Variants in RBMS3 observed in about 807,000 individuals in gnomAD.
RBMS3 encodes the protein RNA-binding motif, single-stranded-interacting protein 3.
In RBMS3, 27 loss-of-function variants were observed where a neutral mutation model predicts 66.8. That is an observed-to-expected ratio of 0.40 (90% confidence interval 0.30 to 0.56). The LOEUF (loss-of-function observed/expected upper bound fraction) is 0.56, where lower values mean the gene tolerates loss of function less well. Among genes scored for constraint, RBMS3 ranks in the 20% least tolerant of loss-of-function variants. RBMS3 has a pLI of 0.40. For synonymous variants in RBMS3, 188 were observed against 183.0 expected, an observed-to-expected ratio of 1.03 and a Z score of -0.22; for missense variants, 513 against 549.5, an observed-to-expected ratio of 0.93 and a Z score of 0.66.
At chr3:29,360,801 A>G (rs1056809892) in intron 1 of RBMS3, among the ~76,000 whole-genome samples, 4 of 152,022 alleles carry the variant, frequency 2.6e-5, no homozygotes, top group African/African-American at 9.7e-5. Context: ...CCATTATGTA[A>G]TGGCCTTCTT....
intron 12 of RBMS3, among the ~76,000 whole-genome samples, chr3:29,987,192 G>C (rs1698446898): frequency 6.6e-6 from 1 of 152,130 alleles, no homozygotes. Flanking sequence ...GAGAAAACTT[G>C]TCTTTATTTG....
chr3:29,893,055 G>A (rs1485868641), intron 8 of RBMS3, among the ~76,000 whole-genome samples: 1 of 151,102 alleles, frequency 6.6e-6, no homozygotes, highest in African/African-American at 2.4e-5. Context: ...TTTAAGCAGG[G>A]GTTTCCTGTA....
Position 29,323,274 on chromosome 3 carries a change from C to T in RBMS3, c.75+41518C>T, listed in dbSNP as rs996087179. The stretch of plus-strand genomic sequence containing the variant: ...TTTTTGAAGTAACATCAGGTATGTA[C>T]TTTAGCTTATTTTTTCACACAAAGT... On this transcript the variant is annotated intron_variant, in intron 1 of 14. Coordinates refer to ENST00000383767, the MANE Select transcript of RBMS3 (RefSeq NM_001003793.3). 1.4e-4 allele frequency among the ~76,000 whole-genome samples: 16 copies of T among 116,570 alleles called. 1 individual carries two copies. The highest frequency in any genetic ancestry group is 8.8e-5 in the Non-Finnish European group (5 of 56,644). 76.5% of individuals were successfully genotyped at this position (116,570 alleles called of 152,430 possible).
chr3:29,442,820 A>T (rs1258281055), intron 2 of RBMS3, among the ~76,000 whole-genome samples: 1 of 152,018 alleles, frequency 6.6e-6, no homozygotes, highest in African/African-American at 2.4e-5. Context: ...TCTCCTATGG[A>T]TGGTAAATTC....
chr3:29,726,791 A>G (rs56115729), intron 4 of RBMS3, among the ~76,000 whole-genome samples: 9,117 of 152,272 alleles, frequency 0.06, 889 homozygotes, highest in African/African-American at 0.21. Context: ...CATACTGCCC[A>G]AAGTAATTTA....
rs1321229415 is a variant in RBMS3, at chr3:30,010,317, C to G, written c.*6455C>G. The G allele has an allele frequency of 6.6e-6, 1 of 152,126 alleles. No homozygotes were observed. The highest frequency in any genetic ancestry group is 1.5e-5 in the Non-Finnish European group (1 of 68,020). The allele number at this position is 152,126 out of a possible 1,614,324, so 9.4% of individuals were successfully genotyped here. On this transcript the variant is annotated 3_prime_UTR_variant, in exon 15 of 15. Transcript: ENST00000383767. ...CCCATCCCTTGGGCTTTCTGTAGAT[C>G]AGTGGATGTTAGGTTTAAACTTCTG...
chr3:29,821,634 A>G (rs543138546), intron 6 of RBMS3, among the ~76,000 whole-genome samples: 43 of 152,314 alleles, frequency 2.8e-4, no homozygotes, highest in African/African-American at 1.0e-3. Flanking sequence ...TTATGAAGCC[A>G]GAATATTGGA....
intron 1 of RBMS3, among the ~76,000 whole-genome samples, chr3:29,398,204 G>A (rs1451054605): frequency 6.6e-6 from 1 of 152,168 alleles, no homozygotes; most frequent in African/African-American, 2.4e-5. Flanking sequence ...CACTTGAGAG[G>A]TGTGAAATAC....
intron 3 of RBMS3, among the ~76,000 whole-genome samples, chr3:29,568,358 A>T (rs1170364018): frequency 1.3e-5 from 2 of 152,214 alleles, no homozygotes; most frequent in Non-Finnish European, 2.9e-5. Flanking sequence ...CAGGAGAAGA[A>T]TTGCTGTCTT....
intron 4 of RBMS3, among the ~76,000 whole-genome samples, chr3:29,694,016 A>G (rs894066878): frequency 6.6e-6 from 1 of 152,212 alleles, no homozygotes; most frequent in Admixed American, 6.5e-5. Flanking sequence ...GGTTTCTTCA[A>G]AATACCACAA....
At chr3:29,351,156 G>A (rs779222785) in intron 1 of RBMS3, among the ~76,000 whole-genome samples, 1 of 152,004 alleles carries the variant, frequency 6.6e-6, no homozygotes, top group Non-Finnish European at 1.5e-5. Context: ...TGTATTTGCT[G>A]TAGTTAATTA....
intron 4 of RBMS3, among the ~76,000 whole-genome samples, chr3:29,681,904 C>T (rs1032743121): frequency 6.6e-6 from 1 of 152,062 alleles, no homozygotes; most frequent in Non-Finnish European, 1.5e-5. Context: ...GTACTTCTGC[C>T]TCTAGGTCTT....
chr3:29,804,441 C>G (rs531607663), intron 6 of RBMS3, among the ~76,000 whole-genome samples: 2 of 151,976 alleles, frequency 1.3e-5, no homozygotes, highest in South Asian at 4.2e-4. Flanking sequence ...CTCAGAGGTA[C>G]CTTGAGCTTG....
intron 4 of RBMS3, among the ~76,000 whole-genome samples, chr3:29,614,132 C>G (rs2048579802): frequency 1.3e-5 from 2 of 152,040 alleles, no homozygotes; most frequent in South Asian, 4.1e-4. Flanking sequence ...CAGTGGAATA[C>G]TATTCAGCCT....
At chr3:29,324,157 C>G (rs1305011776) in intron 1 of RBMS3, among the ~76,000 whole-genome samples, 1 of 152,134 alleles carries the variant, frequency 6.6e-6, no homozygotes, top group Admixed American at 6.6e-5. Context: ...AACTTAAATG[C>G]ACTTCTATAA....
chr3:29,542,129 T>G (rs1280380219), intron 3 of RBMS3, among the ~76,000 whole-genome samples: 4 of 152,214 alleles, frequency 2.6e-5, no homozygotes, highest in Non-Finnish European at 5.9e-5. Context: ...ATGTCCAGGA[T>G]GTAGAACATT....
chr3:29,450,935 C>CA (rs1559371679), intron 2 of RBMS3, among the ~76,000 whole-genome samples: 19 of 144,284 alleles, frequency 1.3e-4, no homozygotes, highest in Non-Finnish European at 2.4e-4. Flanking sequence ...ACACACACCC[C>CA]CCACACACAC....
intron 14 of RBMS3, among the ~76,000 whole-genome samples, chr3:29,993,136 T>C (rs1308188910): frequency 6.7e-6 from 1 of 149,400 alleles, no homozygotes; most frequent in Non-Finnish European, 1.5e-5. Context: ...ATGTAAGGTA[T>C]TATTATGATT....
At chr3:29,836,469 C>T (rs185847599) in intron 6 of RBMS3, among the ~76,000 whole-genome samples, 12 of 151,898 alleles carry the variant, frequency 7.9e-5, no homozygotes, top group Non-Finnish European at 1.5e-4. Flanking sequence ...GAACATATAC[C>T]GCAGCACCTC....
Sources: allele counts gnomAD v4.1 joint callset (sites outside exome capture counted in the v4.1 genomes callset), GRCh38; gene constraint gnomAD v4.1.1; transcripts MANE v1.5; gene names NCBI Gene and HGNC (gene_info 2026-07-23, HGNC 2026-07-21).